STK31: variants seen among roughly 807,000 people sequenced by gnomAD.
STK31 encodes serine/threonine kinase 31, also known as serine/threonine-protein kinase 31.
Under a neutral mutation model 129.7 loss-of-function variants are expected in STK31, and 89 were observed. The observed-to-expected ratio is 0.69, with a 90% confidence interval of 0.58 to 0.82. The LOEUF (loss-of-function observed/expected upper bound fraction) is 0.82, where lower values mean the gene tolerates loss of function less well. Among genes scored for constraint, STK31 ranks in the 40% least tolerant of loss-of-function variants. The pLI is 0.00. For synonymous variants in STK31, 448 were observed against 395.3 expected, an observed-to-expected ratio of 1.13 and a Z score of -1.58; for missense variants, 1,187 against 1,176.4, an observed-to-expected ratio of 1.01 and a Z score of -0.13.
chr7:23,712,364 C>A, intron 3 of STK31, 78 bp downstream of exon 3: 1 of 1,344,788 alleles, frequency 7.4e-7, no homozygotes, highest in Non-Finnish European at 1.1e-6. Flanking sequence ...AAATAAAACC[C>A]AGGAATAAAT....
chr7:23,732,322 A>C (rs1191612841), intron 6 of STK31, among the ~76,000 whole-genome samples: 1 of 152,164 alleles, frequency 6.6e-6, no homozygotes, highest in Non-Finnish European at 1.5e-5. Context: ...TATATTTTTT[A>C]AGTGCAGGTA....
At chr7:23,728,072 C>CTTTTTTTTTTTTTTTTTTTT (rs56355518) in intron 5 of STK31, among the ~76,000 whole-genome samples, 1 of 68,290 alleles carries the variant, frequency 1.5e-5, no homozygotes, top group Non-Finnish European at 2.7e-5. Context: ...TTGTGTTAAG[C>CTTTTTTTTTTTTTTTTTTTT]TTTTTTTTTT....
At chr7:23,824,814 T>C (rs1216073606) in intron 23 of STK31, among the ~76,000 whole-genome samples, 2 of 151,452 alleles carry the variant, frequency 1.3e-5, no homozygotes, top group Non-Finnish European at 3.0e-5. Flanking sequence ...TGAAGCGTTG[T>C]TGAATTTTGT....
chr7:23,817,585 A>T (rs540275085), intron 23 of STK31, among the ~76,000 whole-genome samples: 5 of 152,344 alleles, frequency 3.3e-5, no homozygotes, highest in Admixed American at 3.3e-4. Flanking sequence ...AATGGAGAAG[A>T]ATATAAATGT....
At position 23,752,787 on chromosome 7, in the gene STK31, G is replaced by C. The variant is rs1788796309; in HGVS notation, c.1088G>C (p.Arg363Thr). The C allele has an allele frequency of 1.2e-6, 2 of 1,613,210 alleles. No homozygotes were observed. Among genetic ancestry groups the C allele is most frequent in the Non-Finnish European group, 1.7e-6 (2 of 1,179,720 alleles). Residue 363 changes from arginine to threonine, a missense_variant, in exon 9 of 24, where the codon AGA becomes ACA. By Grantham distance (71) the Arg-to-Thr change is moderately conservative. This residue lies in a region of STK31 where 975 missense variants were observed against 934.9 expected (regional missense o/e 1.04). Coordinates refer to ENST00000355870, the MANE Select transcript of STK31 (RefSeq NM_031414.5). ...ACTCTGAAGACCTATATAGATACCA[G>C]AATGAAAAATCTGGCAGCTAAGATG... ...EYTLKTYIDT[R>T]MKNLAAKMEI... is the part of the protein sequence containing the mutation.
chr7:23,742,006 A>G (rs1788082533), intron 8 of STK31, among the ~76,000 whole-genome samples: 1 of 152,240 alleles, frequency 6.6e-6, no homozygotes, highest in African/African-American at 2.4e-5. Context: ...CAGCATGGGC[A>G]AAAAGCTGTG....
chr7:23,817,889 T>A (rs1793562650), intron 23 of STK31, among the ~76,000 whole-genome samples: 1 of 152,136 alleles, frequency 6.6e-6, no homozygotes, highest in Non-Finnish European at 1.5e-5. Flanking sequence ...TTTTTTTTCT[T>A]CGTTAGTCCA....
intron 10 of STK31, among the ~76,000 whole-genome samples, chr7:23,761,985 A>G (rs1789497371): frequency 6.6e-6 from 1 of 151,468 alleles, no homozygotes; most frequent in Non-Finnish European, 1.5e-5. Flanking sequence ...GTTTTAAAAT[A>G]ATCTGGTTGA....
chr7:23,830,575 G>A (rs940228392), intron 23 of STK31, among the ~76,000 whole-genome samples: 4 of 142,052 alleles, frequency 2.8e-5, no homozygotes, highest in African/African-American at 5.5e-5. Flanking sequence ...TCAGCAGCAC[G>A]TTGTTTAATT....
At chr7:23,793,879 A>G (rs1332574861) in intron 22 of STK31, among the ~76,000 whole-genome samples, 1 of 152,222 alleles carries the variant, frequency 6.6e-6, no homozygotes, top group African/African-American at 2.4e-5. Flanking sequence ...CCACTTCTAG[A>G]TATTTAGCCA....
chr7:23,710,574 C>T (rs758843897), intron 1 of STK31: 2 of 1,378,084 alleles, frequency 1.5e-6, no homozygotes, highest in Non-Finnish European at 1.9e-6. Context: ...GACGCGGTCA[C>T]GCAGCCTCCA....
chr7:23,711,932 A>G (rs1209813883), intron 1 of STK31, among the ~76,000 whole-genome samples, 167 bp from the exon 2 acceptor site: 1 of 140,310 alleles, frequency 7.1e-6, no homozygotes, highest in East Asian at 2.3e-4. Flanking sequence ...AAATACTCAA[A>G]AGAATTAGTT....
At chr7:23,716,478 TG>T (rs1462031808) in intron 3 of STK31, among the ~76,000 whole-genome samples, 1 of 152,206 alleles carries the variant, frequency 6.6e-6, no homozygotes, top group Non-Finnish European at 1.5e-5. Flanking sequence ...ATCCAGTTTC[TG>T]TTCAACTTTT....
At position 23,814,146 on chromosome 7, in the gene STK31, C is replaced by CTTTTTTTTTTTTTTTTT. The variant is rs71552259; in HGVS notation, c.2761-996_2761-995insTTTTTTTTTTTTTTTTT. On this transcript the variant is annotated intron_variant, in intron 22 of 23. Coordinates refer to ENST00000355870, the MANE Select transcript of STK31 (RefSeq NM_031414.5). ...GTTGGGAAACATCAGATCTGGCTCA[C>CTTTTTTTTTTTTTTTTT]TTATTTTTTTTTTTTTTTCAGTTGG... Among the ~76,000 whole-genome samples the CTTTTTTTTTTTTTTTTT allele has an allele frequency of 9.7e-4, 96 of 98,932 alleles. 35 individuals are homozygous for CTTTTTTTTTTTTTTTTT. The highest frequency in any genetic ancestry group is 1.1e-3 in the Non-Finnish European group (59 of 53,222). 64.9% of individuals were successfully genotyped at this position (98,932 alleles called of 152,430 possible).
chr7:23,752,232 A>G (rs1056973912), intron 8 of STK31, among the ~76,000 whole-genome samples: 3 of 152,234 alleles, frequency 2.0e-5, no homozygotes, highest in African/African-American at 7.2e-5. Context: ...GATAATGTAT[A>G]GTTTGTTTAG....
chr7:23,787,396 T>G (rs1791348555), intron 20 of STK31, among the ~76,000 whole-genome samples: 1 of 152,102 alleles, frequency 6.6e-6, no homozygotes. Context: ...AATCCAAGTC[T>G]TCTTTGAGAT....
chr7:23,773,738 T>A (rs201062034), intron 15 of STK31, among the ~76,000 whole-genome samples: 2 of 87,046 alleles, frequency 2.3e-5, no homozygotes, highest in South Asian at 5.2e-4. Flanking sequence ...TGTGTGAGTG[T>A]GTGTGTGTGT....
rs924227355 is a variant in STK31, at chr7:23,711,573, ATAT to A, written c.51-522_51-520del. Among the ~76,000 whole-genome samples, 289 of 152,234 alleles carry A rather than the reference ATAT, an allele frequency of 1.9e-3. 1 individual carries two copies. The highest frequency in any genetic ancestry group is 6.8e-3 in the Middle Eastern group (2 of 292). ...ATATTTTTGCATTTGATAAAGTATAATATTATGTAATTAAAATTATTTTTGAAG... is the reference window on the plus strand; with the variant it reads ...ATATTTTTGCATTTGATAAAGTATAATATGTAATTAAAATTATTTTTGAAG... On this transcript the variant is annotated intron_variant, in intron 1 of 23. Transcript: ENST00000355870.
At chr7:23,807,829 C>T (rs955965651) in intron 22 of STK31, among the ~76,000 whole-genome samples, 2 of 151,788 alleles carry the variant, frequency 1.3e-5, no homozygotes, top group Admixed American at 6.6e-5. Context: ...ATCATTCAGT[C>T]CACCTAATGA....
Sources: gnomAD v4.1 joint callset for allele counts (sites outside exome capture counted in the v4.1 genomes callset) on GRCh38, gnomAD v4.1.1 for gene constraint, gnomAD v4.1.1 regional missense constraint, MANE v1.5 for transcripts, NCBI Gene and HGNC (gene_info 2026-07-23, HGNC 2026-07-21) for gene names.